The following SNAP91 variants were observed in gnomAD, a reference collection of about 807,000 sequenced individuals.
The protein encoded by SNAP91 is synaptosome associated protein 91, also known as clathrin coat assembly protein AP180.
A neutral mutation model predicts 100.3 loss-of-function variants in SNAP91; 27 were observed. That is an observed-to-expected ratio of 0.27 (90% CI 0.20 to 0.37). SNAP91 has a LOEUF of 0.37. SNAP91 is among the 10% of genes least tolerant of loss of function. SNAP91 has a pLI of 1.00. For missense variants in SNAP91, 986 were observed against 1,123.7 expected (o/e 0.88, Z 1.75); for synonymous variants, 404 against 398.6 (o/e 1.01, Z -0.16).
intron 28 of SNAP91, among the ~76,000 whole-genome samples, chr6:83,558,669 C>A (rs936953392): frequency 6.6e-6 from 1 of 152,128 alleles, no homozygotes; most frequent in African/African-American, 2.4e-5. Flanking sequence ...AGCAGGTATT[C>A]CATGGATAAG....
At chr6:83,584,244 C>T (rs1363340775) in intron 22 of SNAP91, among the ~76,000 whole-genome samples, 1 of 152,154 alleles carries the variant, frequency 6.6e-6, no homozygotes, top group Non-Finnish European at 1.5e-5. Flanking sequence ...GAAAACTTGA[C>T]TCTTGACTTC....
At chr6:83,648,302 T>C (rs777106886) in intron 7 of SNAP91, among the ~76,000 whole-genome samples, 1 of 152,226 alleles carries the variant, frequency 6.6e-6, no homozygotes, top group African/African-American at 2.4e-5. Flanking sequence ...TTCCTTTTTA[T>C]TGTTGAATAG....
At chr6:83,571,395 G>A (rs895527138) in intron 26 of SNAP91, among the ~76,000 whole-genome samples, 1 of 152,160 alleles carries the variant, frequency 6.6e-6, no homozygotes, top group African/African-American at 2.4e-5. Flanking sequence ...TAGCCACCAT[G>A]CCTGGCCCGG....
intron 26 of SNAP91, among the ~76,000 whole-genome samples, chr6:83,561,857 A>G (rs1788349600): frequency 6.6e-6 from 1 of 152,126 alleles, no homozygotes; most frequent in African/African-American, 2.4e-5. Flanking sequence ...TCTCCACAAA[A>G]TATTTTTTAG....
At chr6:83,683,797 C>T (rs1021053586) in intron 2 of SNAP91, among the ~76,000 whole-genome samples, 6 of 152,174 alleles carry the variant, frequency 3.9e-5, no homozygotes, top group African/African-American at 1.4e-4. Flanking sequence ...TCTTTTCAAA[C>T]CGACTTTGCC....
At chr6:83,631,908 T>G (rs2097220058) in intron 8 of SNAP91, among the ~76,000 whole-genome samples, 1 of 152,182 alleles carries the variant, frequency 6.6e-6, no homozygotes, top group African/African-American at 2.4e-5. Flanking sequence ...TGGTTTTTTG[T>G]TTTTGTTTTT....
intron 26 of SNAP91, among the ~76,000 whole-genome samples, chr6:83,568,173 G>T (rs924112113): frequency 1.3e-5 from 2 of 152,130 alleles, no homozygotes; most frequent in Non-Finnish European, 2.9e-5. Context: ...CCATAAAAAA[G>T]GATGAGTTCA....
At chr6:83,705,193 T>C (rs6922819) in intron 2 of SNAP91, among the ~76,000 whole-genome samples, 1,925 of 152,300 alleles carry the variant, frequency 0.013, 37 homozygotes, top group African/African-American at 0.044. Flanking sequence ...TATGACTTAT[T>C]AGAAAAGTAA....
intron 7 of SNAP91, among the ~76,000 whole-genome samples, chr6:83,654,117 TG>T (rs898667668): frequency 2.6e-5 from 4 of 152,190 alleles, no homozygotes; most frequent in African/African-American, 7.2e-5. Flanking sequence ...TCTCTATGAC[TG>T]GGTTCCCTTG....
At chr6:83,584,652 T>G (rs1223421681) in intron 22 of SNAP91, among the ~76,000 whole-genome samples, 1 of 152,252 alleles carries the variant, frequency 6.6e-6, no homozygotes, top group Non-Finnish European at 1.5e-5. Context: ...TTGACTGTTT[T>G]GATCCTAGAA....
intron 2 of SNAP91, among the ~76,000 whole-genome samples, chr6:83,706,043 C>T (rs2099376312): frequency 6.6e-6 from 1 of 152,096 alleles, no homozygotes; most frequent in South Asian, 2.1e-4. Context: ...GGAAAACCTC[C>T]TACCTTCAAA....
intron 8 of SNAP91, among the ~76,000 whole-genome samples, chr6:83,634,198 A>T (rs1347398601): frequency 6.6e-6 from 1 of 151,834 alleles, no homozygotes; most frequent in Non-Finnish European, 1.5e-5. Context: ...GTCCTGAAGG[A>T]CCCCTGTAAG....
intron 2 of SNAP91, among the ~76,000 whole-genome samples, chr6:83,692,612 G>A (rs2128998637): frequency 6.6e-6 from 1 of 152,142 alleles, no homozygotes; most frequent in South Asian, 2.1e-4. Flanking sequence ...ATGTAGCTAA[G>A]ATCACAGGCA....
chr6:83,597,119 C>A (rs1296620098), intron 16 of SNAP91, among the ~76,000 whole-genome samples: 1 of 152,128 alleles, frequency 6.6e-6, no homozygotes, highest in African/African-American at 2.4e-5. Flanking sequence ...TAAATATTAT[C>A]AACTTAACTC....
chr6:83,637,880 G>A (rs556849457), intron 8 of SNAP91, among the ~76,000 whole-genome samples: 1 of 152,318 alleles, frequency 6.6e-6, no homozygotes, highest in South Asian at 2.1e-4. Flanking sequence ...TTGAAACCAG[G>A]CCTGCAGATT....
At chr6:83,707,713 T>C (rs371047585) in intron 2 of SNAP91, 85 bp downstream of exon 2, 3 of 1,553,826 alleles carry the variant, frequency 1.9e-6, no homozygotes, top group East Asian at 2.4e-5. Flanking sequence ...GCCACAGCAT[T>C]ATGGACCAAG....
chr6:83,597,929 C>T (rs894568935), intron 16 of SNAP91, among the ~76,000 whole-genome samples: 3 of 152,138 alleles, frequency 2.0e-5, no homozygotes, highest in African/African-American at 7.2e-5. Context: ...CCAACATGTA[C>T]CCAATGTGAT....
At chr6:83,655,290 G>A (rs1441534377) in intron 7 of SNAP91, among the ~76,000 whole-genome samples, 1 of 152,208 alleles carries the variant, frequency 6.6e-6, no homozygotes, top group Non-Finnish European at 1.5e-5. Context: ...GCAACATAGA[G>A]GACATGTGTA....
chr6:83,576,089 C>T (rs1818274687), intron 24 of SNAP91, 36 bp from the exon 25 acceptor site: 1 of 1,084,452 alleles, frequency 9.2e-7, no homozygotes, highest in Non-Finnish European at 1.3e-6. Context: ...ATGTAAATCT[C>T]TACACTCAGT....
Sources: allele counts gnomAD v4.1 joint callset (sites outside exome capture counted in the v4.1 genomes callset), GRCh38; gene constraint gnomAD v4.1.1; transcripts MANE v1.5; gene names NCBI Gene and HGNC (gene_info 2026-07-23, HGNC 2026-07-21).